Variants in DAB1 observed in about 807,000 individuals in gnomAD.
DAB1 encodes DAB adaptor protein 1.
In DAB1, 15 loss-of-function variants were observed where a neutral mutation model predicts 64.6. That is an observed-to-expected ratio of 0.23 (90% CI 0.16 to 0.36). The LOEUF (loss-of-function observed/expected upper bound fraction) is 0.36, where lower values mean the gene tolerates loss of function less well. Ranked by LOEUF, DAB1 falls within the 10% of genes least tolerant of loss-of-function variation. DAB1 has a pLI of 1.00. For missense variants in DAB1, 596 were observed against 706.7 expected, an observed-to-expected ratio of 0.84 and a Z score of 1.78; for synonymous variants, 235 against 251.9, an observed-to-expected ratio of 0.93 and a Z score of 0.64.
chr1:58,354,584 C>T (rs1269501794), intron 3 of DAB1, among the ~76,000 whole-genome samples: 1 of 152,076 alleles, frequency 6.6e-6, no homozygotes, highest in Non-Finnish European at 1.5e-5. Flanking sequence ...AAAGGTCTTT[C>T]GGCCTACTCA....
intron 4 of DAB1, among the ~76,000 whole-genome samples, chr1:58,262,705 G>T (rs606726): frequency 0.018 from 2,811 of 152,308 alleles, 95 homozygotes; most frequent in African/African-American, 0.065. Flanking sequence ...ATGAGTATTT[G>T]ATTTTCTCAT....
intron 3 of DAB1, among the ~76,000 whole-genome samples, chr1:58,347,757 C>T (rs945302024): frequency 2.0e-5 from 3 of 152,116 alleles, no homozygotes; most frequent in African/African-American, 7.2e-5. Context: ...TTCAGTTCAG[C>T]TGACAGCAGG....
At chr1:57,087,191 A>G (rs1397843330) in intron 4 of DAB1, among the ~76,000 whole-genome samples, 1 of 152,230 alleles carries the variant, frequency 6.6e-6, no homozygotes, top group Non-Finnish European at 1.5e-5. Context: ...CATAGAAAAC[A>G]CATGTGACCA....
At chr1:57,952,429 T>C (rs552160086) in intron 5 of DAB1, among the ~76,000 whole-genome samples, 1 of 152,244 alleles carries the variant, frequency 6.6e-6, no homozygotes, top group South Asian at 2.1e-4. Context: ...TGCTGTTTGA[T>C]CTCCATTATT....
intron 11 of DAB1, among the ~76,000 whole-genome samples, chr1:57,018,783 C>T (rs1372596455): frequency 6.6e-6 from 1 of 152,206 alleles, no homozygotes; most frequent in African/African-American, 2.4e-5. Context: ...GCTCAGATGT[C>T]TTAGCTTGGC....
chr1:57,843,049 T>C (rs542838841), intron 1 of DAB1, among the ~76,000 whole-genome samples: 1 of 152,294 alleles, frequency 6.6e-6, no homozygotes. Context: ...CCCAGCATCA[T>C]AAGAGAGTAT....
chr1:58,228,650 G>A (rs990747710), intron 4 of DAB1: 40 of 977,842 alleles, frequency 4.1e-5, no homozygotes, highest in Non-Finnish European at 5.9e-5. Context: ...CCAAAGCAAA[G>A]CAAATGAGGC....
chr1:57,353,853 A>C (rs186262097), intron 1 of DAB1, among the ~76,000 whole-genome samples: 16 of 152,284 alleles, frequency 1.1e-4, no homozygotes, highest in Non-Finnish European at 1.9e-4. Context: ...ATACAACTTC[A>C]TAGCTTGCAT....
intron 7 of DAB1, among the ~76,000 whole-genome samples, chr1:57,591,853 G>A (rs563281291): frequency 1.3e-5 from 2 of 152,214 alleles, no homozygotes; most frequent in Non-Finnish European, 2.9e-5. Flanking sequence ...AACCTCCAAT[G>A]AGTAGGTGTA....
At chr1:58,034,465 T>C (rs1177040977) in intron 5 of DAB1, among the ~76,000 whole-genome samples, 1 of 152,244 alleles carries the variant, frequency 6.6e-6, no homozygotes, top group Non-Finnish European at 1.5e-5. Flanking sequence ...AATTGTGAGA[T>C]ACAAAATGTT....
intron 3 of DAB1, among the ~76,000 whole-genome samples, chr1:58,373,734 G>C (rs1644294597): frequency 6.6e-6 from 1 of 151,908 alleles, no homozygotes; most frequent in South Asian, 2.1e-4. Flanking sequence ...TCTAGTTCTA[G>C]ATCCCTAAGG....
intron 1 of DAB1, among the ~76,000 whole-genome samples, chr1:57,408,558 C>T (rs542099332): frequency 1.3e-5 from 2 of 152,212 alleles, no homozygotes; most frequent in African/African-American, 4.8e-5. Flanking sequence ...CTGCATGGTC[C>T]CACTGCTGCT....
At chr1:57,520,165 T>C (rs1164367434) in intron 7 of DAB1, among the ~76,000 whole-genome samples, 9 of 152,204 alleles carry the variant, frequency 5.9e-5, no homozygotes, top group Admixed American at 5.2e-4. Flanking sequence ...ATCAAAAATA[T>C]ATTGTAGCAC....
Position 58,221,833 on chromosome 1 carries a change from C to A in DAB1, n.310-71245G>T, listed in dbSNP as rs140511480. On this transcript the variant is annotated intron_variant and non_coding_transcript_variant, in intron 4 of 20. Transcript: ENST00000485760. ...TCTGGGTCTTATAGCATCTTCAGCT[C>A]TAATGGGACTCTCAAAATTCTTTTT... Among the ~76,000 whole-genome samples, 21 of 152,326 alleles carry A rather than the reference C, an allele frequency of 1.4e-4. No homozygotes were observed. In the East Asian group the frequency reaches 4.1e-3, roughly 29 times the overall value.
At chr1:57,970,050 T>TGAGAG (rs1645760478) in intron 5 of DAB1, among the ~76,000 whole-genome samples, 2 of 152,178 alleles carry the variant, frequency 1.3e-5, no homozygotes, top group Non-Finnish European at 2.9e-5. Context: ...TCACCTCTTC[T>TGAGAG]ACCATGTGAG....
intron 2 of DAB1, among the ~76,000 whole-genome samples, chr1:57,193,349 C>T (rs1017066041): frequency 4.7e-5 from 7 of 148,396 alleles, no homozygotes; most frequent in South Asian, 4.3e-4. Flanking sequence ...ATTTCACTTA[C>T]GTAATGCCTT....
At chr1:57,279,879 T>C (rs972437138) in intron 2 of DAB1, among the ~76,000 whole-genome samples, 7 of 152,244 alleles carry the variant, frequency 4.6e-5, no homozygotes, top group Non-Finnish European at 1.0e-4. Flanking sequence ...TTTTAACTTC[T>C]TTTCTAACTA....
chr1:57,759,222 T>A (rs952533836), intron 6 of DAB1, among the ~76,000 whole-genome samples: 8 of 152,154 alleles, frequency 5.3e-5, no homozygotes, highest in African/African-American at 1.9e-4. Context: ...CCAATAGTGG[T>A]AAAGGGAGCC....
chr1:57,718,811 T>C (rs918824496), intron 6 of DAB1, among the ~76,000 whole-genome samples: 1 of 152,210 alleles, frequency 6.6e-6, no homozygotes, highest in African/African-American at 2.4e-5. Flanking sequence ...TTCAATCAGA[T>C]AACACCAGGG....
Sources: gnomAD v4.1 joint callset for allele counts (sites outside exome capture counted in the v4.1 genomes callset) on GRCh38, gnomAD v4.1.1 for gene constraint, MANE v1.5 for transcripts, NCBI Gene and HGNC (gene_info 2026-07-23, HGNC 2026-07-21) for gene names.